The following PCDH19 variants were observed in gnomAD, a reference collection of about 807,000 sequenced individuals.
PCDH19 encodes the protein protocadherin-19.
A neutral mutation model predicts 46.2 loss-of-function variants in PCDH19; 6 were observed. The ratio of observed to expected loss-of-function variants is 0.13; its 90% CI spans 0.07 to 0.26. The LOEUF (loss-of-function observed/expected upper bound fraction) is 0.26, where lower values mean the gene tolerates loss of function less well. Ranked by LOEUF, PCDH19 falls within the 10% of genes least tolerant of loss-of-function variation. PCDH19 has a pLI of 1.00. For synonymous variants in PCDH19, 481 were observed against 415.7 expected, an observed-to-expected ratio of 1.16 and a Z score of -1.91; for missense variants, 740 against 972.3, an observed-to-expected ratio of 0.76 and a Z score of 3.18.
Position 100,408,470 on chromosome X carries a change from G to T in PCDH19, c.128C>A (p.Ala43Asp). The T allele has an allele frequency of 2.5e-6, 3 of 1,205,252 alleles. No homozygotes were observed. ...GAAGCCCGCCTCTCGCGCGTCTTTG[G>T]CCACGTTGGCAATCACCGTCCCGGC... ...QRAGTVIANVAKDAREAGFAL... is the reference protein window; with the variant it reads ...QRAGTVIANVDKDAREAGFAL... Residue 43 changes from alanine (A) to aspartate (D), a missense_variant, in exon 1 of 6, where the codon GCC (alanine) becomes GAC (aspartate). Coordinates refer to ENST00000373034, the MANE Select transcript of PCDH19 (RefSeq NM_001184880.2).
intron 5 of PCDH19, among the ~76,000 whole-genome samples, chrX:100,322,865 A>ATTTTTTTTTTTTTTT (rs57520956): frequency 5.5e-5 from 3 of 54,412 alleles, no homozygotes; most frequent in Non-Finnish European, 9.9e-5. Context: ...ATATATATAT[A>ATTTTTTTTTTTTTTT]TTTTTGCAGC....
intron 3 of PCDH19, among the ~76,000 whole-genome samples, chrX:100,362,553 G>A (rs1926920254): frequency 9.1e-6 from 1 of 110,050 alleles, no homozygotes; most frequent in African/African-American, 3.3e-5. Flanking sequence ...CAGCACTTTG[G>A]GAGGCCGAGG....
At chrX:100,352,840 A>T (rs1034768666) in intron 3 of PCDH19, among the ~76,000 whole-genome samples, 1 of 111,300 alleles carries the variant, frequency 9.0e-6, no homozygotes. Context: ...GGCCAATTAA[A>T]CCACTTTTCT....
At position 100,389,411 on chromosome X, in the gene PCDH19, T is replaced by TTGGCCAAA. The variant is rs748438370; in HGVS notation, c.2616+13105_2616+13112dup. On this transcript the variant is annotated intron_variant, in intron 3 of 5. Transcript: ENST00000373034. ...TGTGGGTGGGGGAAATAGGAAGATATTGGCCAAAGGATACAAAGTTTCAGT... is the reference window on the plus strand; with the variant it reads ...TGTGGGTGGGGGAAATAGGAAGATATTGGCCAAATGGCCAAAGGATACAAAGTTTCAGT... Among the ~76,000 whole-genome samples, 663 of 109,950 alleles carry TTGGCCAAA rather than the reference T, an allele frequency of 6.0e-3. 3 individuals are homozygous for TTGGCCAAA. The highest frequency in any genetic ancestry group is 8.3e-3 in the Non-Finnish European group (436 of 52,565).
Position 100,408,256 on chromosome X carries a change from C to T in PCDH19, c.342G>A (p.Val114=). The T allele has an allele frequency of 8.3e-7, 1 of 1,211,864 alleles. No homozygotes were observed. The highest frequency in any genetic ancestry group is 1.1e-6 in the Non-Finnish European group (1 of 895,459). ...EVMSSSMEIC[V]IKVEIKDLND... is the part of the protein sequence containing the mutation. ...TCAGGTCCTTGATCTCCACCTTTAT[C>T]ACGCAGATTTCCATTGAGCTGGACA... The change falls in exon 1 of 6, where the codon GTG becomes GTA. Residue 114 remains valine, a synonymous_variant. Transcript: ENST00000373034.
intron 3 of PCDH19, among the ~76,000 whole-genome samples, chrX:100,364,566 AC>A (rs1177575020): frequency 9.0e-6 from 1 of 110,907 alleles, no homozygotes; most frequent in Non-Finnish European, 1.9e-5. Flanking sequence ...CTGAAATGTT[AC>A]CTAAGGAAAT....
At chrX:100,370,138 A>G (rs997758114) in intron 3 of PCDH19, among the ~76,000 whole-genome samples, 2 of 112,056 alleles carry the variant, frequency 1.8e-5, no homozygotes, top group Non-Finnish European at 3.8e-5. Context: ...CTGGAAAAGA[A>G]AGGGAACAGA....
At chrX:100,319,837 AG>A (rs1925421331) in intron 5 of PCDH19, among the ~76,000 whole-genome samples, 1 of 112,069 alleles carries the variant, frequency 8.9e-6, no homozygotes, top group Non-Finnish European at 1.9e-5. Context: ...GAGGAGGAAC[AG>A]CTGTGTTCTT....
intron 3 of PCDH19, among the ~76,000 whole-genome samples, chrX:100,378,206 G>A (rs1927444841): frequency 8.9e-6 from 1 of 112,641 alleles, no homozygotes; most frequent in Non-Finnish European, 1.9e-5. Flanking sequence ...ATCAGAAACA[G>A]TTACTGTGTT....
At chrX:100,355,260 C>G (rs1216319707) in intron 3 of PCDH19, among the ~76,000 whole-genome samples, 3 of 111,530 alleles carry the variant, frequency 2.7e-5, no homozygotes, top group African/African-American at 9.8e-5. Context: ...CAAAGTTGCC[C>G]TCCTTAAAAT....
Position 100,326,613 on chromosome X carries a change from G to A in PCDH19, c.2848+15290C>T, listed in dbSNP as rs1925703989. ...ACAGGGAGGGCAAAGTGGAGTCAATGCCTCCAGAGAGGAACCAGGGCTTCT... is the reference window on the plus strand; with the variant it reads ...ACAGGGAGGGCAAAGTGGAGTCAATACCTCCAGAGAGGAACCAGGGCTTCT... On this transcript the variant is annotated intron_variant, in intron 5 of 5. Transcript: ENST00000373034. Among the ~76,000 whole-genome samples the A allele has an allele frequency of 2.7e-5, 3 of 111,340 alleles. No individual in the cohort carries two copies. In the Admixed American group the frequency reaches 2.9e-4, roughly 11 times the overall value.
chrX:100,340,892 T>C, intron 5 of PCDH19, among the ~76,000 whole-genome samples: 1 of 112,224 alleles, frequency 8.9e-6, no homozygotes, highest in African/African-American at 3.2e-5. Context: ...TTTTGTTTTC[T>C]CATTTTTAAG....
intron 4 of PCDH19, among the ~76,000 whole-genome samples, chrX:100,347,920 G>C (rs1926455353): frequency 9.3e-6 from 1 of 107,918 alleles, no homozygotes; most frequent in African/African-American, 3.4e-5. Context: ...AAAAAAATTA[G>C]CCAGGCACGG....
At chrX:100,307,345 TC>T (rs948843200) in intron 5 of PCDH19, among the ~76,000 whole-genome samples, 1 of 111,697 alleles carries the variant, frequency 9.0e-6, no homozygotes, top group Non-Finnish European at 1.9e-5. Flanking sequence ...AAATCCAGTA[TC>T]CCTTTATGAT....
At chrX:100,358,997 G>T (rs971698484) in intron 3 of PCDH19, among the ~76,000 whole-genome samples, 8 of 111,855 alleles carry the variant, frequency 7.2e-5, no homozygotes, top group African/African-American at 9.8e-5. Context: ...TATTTTGCAG[G>T]CACAGAGTGC....
chrX:100,365,898 A>G (rs1463536718), intron 3 of PCDH19, among the ~76,000 whole-genome samples: 1 of 112,198 alleles, frequency 8.9e-6, no homozygotes, highest in Non-Finnish European at 1.9e-5. Context: ...GAAATCCTGG[A>G]AGAATAAAAC....
chrX:100,362,658 C>T (rs1297641314), intron 3 of PCDH19, among the ~76,000 whole-genome samples: 1 of 108,117 alleles, frequency 9.2e-6, no homozygotes, highest in South Asian at 4.2e-4. Context: ...ATTAGCCGGG[C>T]GTGGTGGTGG....
intron 4 of PCDH19, among the ~76,000 whole-genome samples, chrX:100,346,638 A>G (rs777479298): frequency 8.9e-6 from 1 of 112,443 alleles, no homozygotes; most frequent in African/African-American, 3.2e-5. Context: ...ATAAACATGT[A>G]CCAAGCATTT....
At chrX:100,401,422 G>T (rs2147531907) in intron 3 of PCDH19, among the ~76,000 whole-genome samples, 1 of 111,771 alleles carries the variant, frequency 8.9e-6, no homozygotes, top group African/African-American at 3.3e-5. Context: ...GGAGGCTGAG[G>T]TGGGAGGATC....
Sources: allele counts gnomAD v4.1 joint callset (sites outside exome capture counted in the v4.1 genomes callset), GRCh38; gene constraint gnomAD v4.1.1; transcripts MANE v1.5; gene names NCBI Gene and HGNC (gene_info 2026-07-23, HGNC 2026-07-21).